The following MSR1 variants were observed in gnomAD, a reference collection of about 807,000 sequenced individuals.
MSR1 encodes macrophage scavenger receptor types I and II.
Under a neutral mutation model 47.2 loss-of-function variants are expected in MSR1, and 53 were observed. The observed-to-expected ratio is 1.12, with a 90% CI of 0.90 to 1.41. MSR1 has a LOEUF of 1.41. Ranked by LOEUF, MSR1 falls within the 40% of genes most tolerant of loss-of-function variation. The pLI is 0.00. For missense variants in MSR1, 786 were observed against 546.9 expected (o/e 1.44, Z -4.36); for synonymous variants, 239 against 185.6 (o/e 1.29, Z -2.34).
At chr8:16,186,351 A>G (rs1046087300) in intron 1 of MSR1, 1 of 664,398 alleles carries the variant, frequency 1.5e-6, no homozygotes, top group African/African-American at 1.8e-5. Context: ...ATTGCTTTAA[A>G]TATAATCTAG....
At chr8:16,182,848 T>A (rs1399122274) in intron 1 of MSR1, among the ~76,000 whole-genome samples, 1 of 152,154 alleles carries the variant, frequency 6.6e-6, no homozygotes, top group African/African-American at 2.4e-5. Flanking sequence ...AAATAATGAT[T>A]AAGAAGTATA....
chr8:16,149,236 A>G (rs1368582270), intron 7 of MSR1, among the ~76,000 whole-genome samples: 1 of 152,136 alleles, frequency 6.6e-6, no homozygotes, highest in Non-Finnish European at 1.5e-5. Context: ...ATACCACACT[A>G]ATGCAAGATG....
intron 3 of MSR1, among the ~76,000 whole-genome samples, chr8:16,170,337 G>C (rs1179749843): frequency 1.6e-5 from 2 of 122,794 alleles, no homozygotes; most frequent in African/African-American, 3.2e-5. Flanking sequence ...AACAGAGTGA[G>C]ATTCCATCTC....
At chr8:16,185,728 A>G (rs927546929) in intron 1 of MSR1, among the ~76,000 whole-genome samples, 1 of 152,078 alleles carries the variant, frequency 6.6e-6, no homozygotes, top group East Asian at 1.9e-4. Flanking sequence ...GGTGCAGACA[A>G]TTAAGAGGAA....
At chr8:16,126,624 TAAATTTCTCTAGA>T (rs1260342652) in intron 8 of MSR1, among the ~76,000 whole-genome samples, 2 of 152,182 alleles carry the variant, frequency 1.3e-5, no homozygotes, top group African/African-American at 4.8e-5. Context: ...GAAACTGAGT[TAAATTTCTCTAGA>T]AAATTTCTCT....
At position 16,166,968 on chromosome 8, in the gene MSR1, CAT is replaced by C. The variant is rs150722035; in HGVS notation, c.630+1488_630+1489del. Among the ~76,000 whole-genome samples, 4 of 139,772 alleles carry C rather than the reference CAT, an allele frequency of 2.9e-5. 1 individual carries two copies. In the South Asian group the frequency reaches 9.4e-4, roughly 33 times the overall value. 91.7% of individuals were successfully genotyped at this position (139,772 alleles called of 152,430 possible). On this transcript the variant is annotated intron_variant, in intron 4 of 9. Transcript: ENST00000262101. ...ACACACACACACACACACACACACA[CAT>C]GCACGCACTGGCACTGACCTAGTTT...
intron 8 of MSR1, among the ~76,000 whole-genome samples, chr8:16,123,045 C>T (rs905112101): frequency 5.3e-5 from 8 of 151,814 alleles, no homozygotes; most frequent in African/African-American, 1.7e-4. Context: ...CGGGGTTTCA[C>T]CGTGTTAGCC....
At chr8:16,191,121 A>G (rs1198262067) in intron 1 of MSR1, among the ~76,000 whole-genome samples, 1 of 152,228 alleles carries the variant, frequency 6.6e-6, no homozygotes, top group Non-Finnish European at 1.5e-5. Context: ...TTTTTGTAAC[A>G]GCAGTTGAAT....
At chr8:16,128,395 T>C (rs912417602) in intron 8 of MSR1, among the ~76,000 whole-genome samples, 4 of 151,952 alleles carry the variant, frequency 2.6e-5, no homozygotes, top group African/African-American at 7.3e-5. Context: ...TCGGAAGAGA[T>C]AAAGACACCA....
intron 4 of MSR1, 35 bp from the exon 5 acceptor site, chr8:16,164,286 T>C: frequency 6.4e-7 from 1 of 1,559,846 alleles, no homozygotes; most frequent in South Asian, 1.1e-5. Context: ...CAGCCTTTGT[T>C]ACATACATAA....
chr8:16,186,256 C>A (rs549185897), intron 1 of MSR1: 12 of 1,475,626 alleles, frequency 8.1e-6, no homozygotes, highest in East Asian at 4.9e-5. Flanking sequence ...ATCTCCCCAA[C>A]GTCTCAACAG....
At chr8:16,141,180 C>T in intron 8 of MSR1, 1 of 913,604 alleles carries the variant, frequency 1.1e-6, no homozygotes, top group East Asian at 2.6e-5. Flanking sequence ...TGTGGGGAAT[C>T]AGGCACTTTC....
Position 16,122,843 on chromosome 8 carries a change from C to CTTTT in MSR1, c.1034-2241_1034-2238dup, listed in dbSNP as rs35560221. Among the ~76,000 whole-genome samples the CTTTT allele has an allele frequency of 1.3e-3, 84 of 65,594 alleles. 2 individuals carry two copies. The South Asian group carries it at 0.041, about 32-fold the overall frequency. The allele number at this position is 65,594 out of a possible 152,430, so 43.0% of individuals were successfully genotyped here. On this transcript the variant is annotated intron_variant, in intron 8 of 9. Transcript: ENST00000262101. ...GGGAGTAGGTACCTCTATTCAAATT[C>CTTTT]TTTTTTTTTTTTTTTTTTTTTGAGA...
In MSR1 at chr8:16,150,116, ATG is replaced by A. The variant is rs370312614; in HGVS notation, c.979+113_979+114del. 53 of 214,382 alleles carry A rather than the reference ATG, an allele frequency of 2.5e-4. No homozygotes were observed. In the East Asian group the frequency reaches 5.7e-3, roughly 23 times the overall value. 13.3% of individuals were successfully genotyped at this position (214,382 alleles called of 1,614,324 possible). On this transcript the variant is annotated intron_variant, in intron 7 of 9. Transcript: ENST00000262101. ...ATATGTATACTACATATATAACATTATGTGTGTGTGTATGTGTGTGTGTGTAT... is the reference window on the plus strand; with the variant it reads ...ATATGTATACTACATATATAACATTATGTGTGTGTATGTGTGTGTGTGTAT...
At chr8:16,120,286 A>G in intron 9 of MSR1, 132 bp downstream of exon 9, 2 of 900,446 alleles carry the variant, frequency 2.2e-6, no homozygotes, top group Non-Finnish European at 3.6e-6. Context: ...CTAAGGGAGG[A>G]GAATCGCTTG....
chr8:16,161,084 G>A (rs967336078), intron 5 of MSR1, among the ~76,000 whole-genome samples: 2 of 150,268 alleles, frequency 1.3e-5, no homozygotes, highest in African/African-American at 4.9e-5. Context: ...GCAGAGCCAG[G>A]GACACCAACT....
chr8:16,148,751 C>A (rs556106129), intron 7 of MSR1, among the ~76,000 whole-genome samples: 1 of 152,074 alleles, frequency 6.6e-6, no homozygotes, highest in Admixed American at 6.6e-5. Flanking sequence ...TGAGCCACCA[C>A]GCCCAGCCTA....
chr8:16,149,039 A>T (rs913703077), intron 7 of MSR1, among the ~76,000 whole-genome samples: 1 of 152,140 alleles, frequency 6.6e-6, no homozygotes, highest in African/African-American at 2.4e-5. Flanking sequence ...GGGGAGGAAT[A>T]GAGTTGGTGG....
intron 4 of MSR1, among the ~76,000 whole-genome samples, chr8:16,165,312 A>G (rs1801273570): frequency 1.3e-5 from 2 of 152,156 alleles, no homozygotes; most frequent in Admixed American, 1.3e-4. Flanking sequence ...TTAAGTTTGC[A>G]TAGTAAGAGT....
Sources: gnomAD v4.1 joint callset for allele counts (sites outside exome capture counted in the v4.1 genomes callset) on GRCh38, gnomAD v4.1.1 for gene constraint, MANE v1.5 for transcripts, NCBI Gene and HGNC (gene_info 2026-07-23, HGNC 2026-07-21) for gene names.